Variants in THSD4 observed in about 807,000 individuals in gnomAD.
The protein encoded by THSD4 is thrombospondin type-1 domain-containing protein 4.
A neutral mutation model predicts 119.0 loss-of-function variants in THSD4; 69 were observed. The observed-to-expected ratio is 0.58, with a 90% CI of 0.48 to 0.71. THSD4 has a LOEUF of 0.71. THSD4 is among the 30% of genes least tolerant of loss of function. THSD4 has a pLI of 0.00. For missense variants in THSD4, 1,393 were observed against 1,391.1 expected (o/e 1.00, Z -0.02); for synonymous variants, 524 against 540.4 (o/e 0.97, Z 0.42).
chr15:71,515,993 C>G (rs1422534385), intron 7 of THSD4, among the ~76,000 whole-genome samples: 1 of 152,106 alleles, frequency 6.6e-6, no homozygotes, highest in Non-Finnish European at 1.5e-5. Flanking sequence ...AGTCAGAGGC[C>G]TAGGTTTTAT....
chr15:71,430,184 C>T (rs2046922891), intron 7 of THSD4, among the ~76,000 whole-genome samples: 1 of 151,798 alleles, frequency 6.6e-6, no homozygotes, highest in South Asian at 2.1e-4. Flanking sequence ...GATTCCAAGT[C>T]AGAAGGGTAG....
chr15:71,174,282 T>A (rs1363658754), intron 3 of THSD4, among the ~76,000 whole-genome samples: 1 of 151,896 alleles, frequency 6.6e-6, no homozygotes, highest in Non-Finnish European at 1.5e-5. Context: ...CGCAGGCCAG[T>A]GTGTGCGCGC....
intron 7 of THSD4, among the ~76,000 whole-genome samples, chr15:71,598,763 A>T (rs749135070): frequency 1.3e-5 from 2 of 151,112 alleles, no homozygotes; most frequent in Non-Finnish European, 3.0e-5. Flanking sequence ...GACTACAGGC[A>T]CATACCACCC....
At chr15:71,101,870 C>T (rs62019145) in intron 1 of THSD4, among the ~76,000 whole-genome samples, 3,131 of 152,086 alleles carry the variant, frequency 0.021, 35 homozygotes, top group Non-Finnish European at 0.031. Flanking sequence ...CATGCCACCA[C>T]GACTGGCTAA....
intron 7 of THSD4, among the ~76,000 whole-genome samples, chr15:71,445,452 C>T (rs2047168452): frequency 6.6e-6 from 1 of 152,204 alleles, no homozygotes; most frequent in East Asian, 1.9e-4. Context: ...GTCATGAGAT[C>T]ACCATGGGAG....
At chr15:71,133,366 A>G (rs2040520892) in intron 1 of THSD4, among the ~76,000 whole-genome samples, 1 of 152,216 alleles carries the variant, frequency 6.6e-6, no homozygotes, top group African/African-American at 2.4e-5. Flanking sequence ...TCCTGCATGG[A>G]AAAGAAAGCC....
chr15:71,314,979 C>G (rs1391178321), intron 6 of THSD4, among the ~76,000 whole-genome samples: 5 of 152,094 alleles, frequency 3.3e-5, no homozygotes, highest in African/African-American at 1.2e-4. Context: ...TCTAAAGATT[C>G]AGGCTCATAG....
chr15:71,632,407 C>T (rs1404571062), intron 7 of THSD4, among the ~76,000 whole-genome samples: 5 of 152,208 alleles, frequency 3.3e-5, no homozygotes, highest in Non-Finnish European at 5.9e-5. Flanking sequence ...GGTCATGTAA[C>T]TCTTGATTCA....
chr15:71,144,405 T>C (rs1182435875), intron 2 of THSD4, among the ~76,000 whole-genome samples: 4 of 152,106 alleles, frequency 2.6e-5, no homozygotes, highest in African/African-American at 9.6e-5. Flanking sequence ...TTGACAAAAG[T>C]GGTAGATGAG....
intron 6 of THSD4, among the ~76,000 whole-genome samples, chr15:71,288,748 C>A: frequency 6.6e-6 from 1 of 152,204 alleles, no homozygotes; most frequent in East Asian, 1.9e-4. Context: ...ACAGCATCCA[C>A]GTACACTTAA....
At chr15:71,386,979 A>C (rs1198704167) in intron 6 of THSD4, among the ~76,000 whole-genome samples, 1 of 152,174 alleles carries the variant, frequency 6.6e-6, no homozygotes, top group African/African-American at 2.4e-5. Flanking sequence ...ACTGCTTGCT[A>C]CTTTAGGAGG....
At chr15:71,253,478 G>C (rs1243300395) in intron 5 of THSD4, among the ~76,000 whole-genome samples, 1 of 151,932 alleles carries the variant, frequency 6.6e-6, no homozygotes, top group Non-Finnish European at 1.5e-5. Context: ...CGTGATCTCA[G>C]CTCATTGCAA....
chr15:71,665,504 A>C (rs1265769461), intron 8 of THSD4, among the ~76,000 whole-genome samples: 2 of 152,222 alleles, frequency 1.3e-5, no homozygotes, highest in Non-Finnish European at 2.9e-5. Flanking sequence ...AAGTTTAATT[A>C]CATCCCATCT....
At position 71,664,299 on chromosome 15, in the gene THSD4, T is replaced by C. The variant is rs529889786; in HGVS notation, c.1357+3565T>C. Reference sequence around the variant, plus strand: ...GCCCAGCCAAAGATTCCAGAACTTTTACAACTTTATTTTTTTTTAGTTTCC... The same window carrying C: ...GCCCAGCCAAAGATTCCAGAACTTTCACAACTTTATTTTTTTTTAGTTTCC... On this transcript the variant is annotated intron_variant, in intron 8 of 17. Transcript: ENST00000261862. Among the ~76,000 whole-genome samples, 9 of 152,220 alleles carry C rather than the reference T, an allele frequency of 5.9e-5. No homozygotes were observed. In the South Asian group the frequency reaches 1.7e-3, roughly 28 times the overall value.
chr15:71,297,605 A>T (rs1466981396), intron 6 of THSD4, among the ~76,000 whole-genome samples: 1 of 152,092 alleles, frequency 6.6e-6, no homozygotes, highest in Non-Finnish European at 1.5e-5. Context: ...AAGTGCTGGG[A>T]TTACAGACGT....
intron 3 of THSD4, among the ~76,000 whole-genome samples, chr15:71,165,964 G>A (rs1412731081): frequency 2.0e-5 from 3 of 152,126 alleles, no homozygotes; most frequent in Non-Finnish European, 4.4e-5. Context: ...GTTATGTGGT[G>A]CTCTCTCTGT....
chr15:71,363,898 G>A (rs917998706), intron 6 of THSD4, among the ~76,000 whole-genome samples: 1 of 152,176 alleles, frequency 6.6e-6, no homozygotes. Context: ...GGTGCAGAAA[G>A]GGTTCCTTGA....
rs535247357 is a variant in THSD4 at position 71,341,755 on chromosome 15, C to T, written c.1016-69932C>T. The T allele has an allele frequency of 7.9e-4, 660 of 832,952 alleles. 11 individuals carry two copies. In the South Asian group the frequency reaches 8.4e-3, roughly 11 times the overall value. 51.6% of individuals were successfully genotyped at this position (832,952 alleles called of 1,614,324 possible). On this transcript the variant is annotated intron_variant, in intron 6 of 17. Coordinates refer to ENST00000261862, the MANE Select transcript of THSD4 (RefSeq NM_024817.3). ...GGCTGCTTAGGAAAAGAGCTCTCTC[C>T]CTTTTCTTCCTTTTTTCTCCTACCT...
At chr15:71,298,589 A>C in intron 6 of THSD4, among the ~76,000 whole-genome samples, 1 of 143,786 alleles carries the variant, frequency 7.0e-6, no homozygotes, top group African/African-American at 2.6e-5. Context: ...ACTGAGACTG[A>C]CCCCTGGATA....
Sources: gnomAD v4.1 joint callset for allele counts (sites outside exome capture counted in the v4.1 genomes callset) on GRCh38, gnomAD v4.1.1 for gene constraint, MANE v1.5 for transcripts, NCBI Gene and HGNC (gene_info 2026-07-23, HGNC 2026-07-21) for gene names.